Variants in KIF21A observed in about 807,000 individuals in gnomAD.
KIF21A encodes kinesin-like protein KIF21A.
In KIF21A, 114 loss-of-function variants were observed where a neutral mutation model predicts 202.9. The observed-to-expected ratio is 0.56, with a 90% CI of 0.48 to 0.66. The LOEUF (loss-of-function observed/expected upper bound fraction) is 0.66. KIF21A is among the 30% of genes least tolerant of loss of function. KIF21A has a pLI of 0.00. For synonymous variants in KIF21A, 667 were observed against 670.8 expected, an observed-to-expected ratio of 0.99 and a Z score of 0.09; for missense variants, 1,677 against 1,994.9, an observed-to-expected ratio of 0.84 and a Z score of 3.04.
At chr12:39,362,875 T>A (rs1411018830) in intron 7 of KIF21A, among the ~76,000 whole-genome samples, 1 of 152,146 alleles carries the variant, frequency 6.6e-6, no homozygotes, top group African/African-American at 2.4e-5. Context: ...ATTTCCCTTA[T>A]CTAGAAAATA....
intron 31 of KIF21A, among the ~76,000 whole-genome samples, chr12:39,313,266 C>T (rs542846103): frequency 6.6e-6 from 1 of 151,840 alleles, no homozygotes; most frequent in South Asian, 2.1e-4. Flanking sequence ...GCAGGAAAAA[C>T]GTGGAATTCA....
Position 39,349,739 on chromosome 12 carries a change from AT to A in KIF21A, c.1673+2037del, listed in dbSNP as rs1227611984. Among the ~76,000 whole-genome samples the A allele has an allele frequency of 6.6e-5, 10 of 152,180 alleles. No homozygotes were observed. In the East Asian group the frequency reaches 1.7e-3, roughly 26 times the overall value. On this transcript the variant is annotated intron_variant, in intron 11 of 37. Transcript: ENST00000361418. ...ACTAAGTAAAACAGGATTGGTTTTC[AT>A]TTTTTAATTCAAAAAAACATTTGAT... is the stretch of plus-strand genomic sequence containing the variant.
intron 1 of KIF21A, among the ~76,000 whole-genome samples, chr12:39,390,707 A>T (rs149700011): frequency 1.3e-4 from 20 of 152,308 alleles, no homozygotes; most frequent in African/African-American, 4.6e-4. Context: ...AAATATATAT[A>T]TATTTGTCAG....
At position 39,320,251 on chromosome 12, in the gene KIF21A, A is replaced by G. The variant is rs565585182; in HGVS notation, c.3672-238T>C. 8.5e-5 allele frequency among the ~76,000 whole-genome samples: 13 copies of G among 152,314 alleles called. No homozygotes were observed. The South Asian group carries it at 1.9e-3, about 22-fold the overall frequency. ...CTTATTAAATATGTAACAACTTACT[A>G]TCTTTGAATATAAATATCAGTGATA... On this transcript the variant is annotated intron_variant, in intron 27 of 37. Coordinates refer to ENST00000361418, the MANE Select transcript of KIF21A (RefSeq NM_001173464.2).
chr12:39,357,144 G>C, intron 9 of KIF21A, 104 bp downstream of exon 9: 1 of 991,414 alleles, frequency 1.0e-6, no homozygotes, highest in South Asian at 1.3e-5. Flanking sequence ...TATACACAGA[G>C]ACTGGCATTT....
intron 1 of KIF21A, among the ~76,000 whole-genome samples, chr12:39,416,685 G>A (rs1953675423): frequency 1.7e-5 from 2 of 120,710 alleles, no homozygotes; most frequent in Non-Finnish European, 1.6e-5. Context: ...ATATATATGT[G>A]TGTATATATA....
chr12:39,434,262 CA>C (rs1438485295), intron 1 of KIF21A, among the ~76,000 whole-genome samples: 2 of 152,306 alleles, frequency 1.3e-5, no homozygotes, highest in African/African-American at 4.8e-5. Flanking sequence ...TCTTTTATAA[CA>C]AAGCCACTCT....
At chr12:39,301,082 T>A (rs562494700) in intron 37 of KIF21A, among the ~76,000 whole-genome samples, 1 of 152,330 alleles carries the variant, frequency 6.6e-6, no homozygotes, top group South Asian at 2.1e-4. Context: ...TATTACTATG[T>A]ACTTATACTT....
intron 37 of KIF21A, among the ~76,000 whole-genome samples, 153 bp from the exon 38 acceptor site, chr12:39,294,670 A>C (rs1942124737): frequency 6.6e-6 from 1 of 152,242 alleles, no homozygotes; most frequent in Admixed American, 6.5e-5. Flanking sequence ...TAGCAAACAC[A>C]TACCTTAATA....
intron 1 of KIF21A, among the ~76,000 whole-genome samples, chr12:39,382,820 C>CTTACCTGTCAATGAAA (rs1207542020): frequency 1.3e-5 from 2 of 152,206 alleles, no homozygotes; most frequent in African/African-American, 4.8e-5. Context: ...GTGGAGTGAA[C>CTTACCTGTCAATGAAA]TTACCTGTCA....
At position 39,443,048 on chromosome 12, in the gene KIF21A, G is replaced by A; in HGVS notation, c.-78C>T. ...GCGCCACTGGGGCCGCGGGACTCGG[G>A]CGCAGTAGGCTGGGGCGTCTGCGGG... On this transcript the variant is annotated 5_prime_UTR_variant, in exon 1 of 38. Transcript: ENST00000361418. 2 of 1,442,636 alleles carry A rather than the reference G, an allele frequency of 1.4e-6. No homozygotes were observed. Among genetic ancestry groups the A allele is most frequent in the Admixed American group, 2.3e-5 (1 of 43,826 alleles). 89.4% of individuals were successfully genotyped at this position (1,442,636 alleles called of 1,614,324 possible).
Position 39,341,565 on chromosome 12 carries a change from C to T in KIF21A, c.1861G>A (p.Glu621Lys). 1 of 1,549,830 alleles carries T rather than the reference C, an allele frequency of 6.5e-7. No individual in the cohort carries two copies. Among genetic ancestry groups the T allele is most frequent in the Non-Finnish European group, 8.9e-7 (1 of 1,126,768 alleles). The change falls in exon 14 of 38, where the codon GAA (glutamate) becomes AAA (lysine). Residue 621 changes from glutamate to lysine, a missense_variant. Physicochemically the swap from Glu to Lys is moderately conservative, Grantham distance 56. Coordinates refer to ENST00000361418, the MANE Select transcript of KIF21A (RefSeq NM_001173464.2). ...EDEEEEEEEE[E>K]DDIDGGESSD... ...CTTTCACCCCCATCAATGTCATCTT[C>T]CTCCTCCTCCTCCTCCTCTTCTTCA...
intron 34 of KIF21A, among the ~76,000 whole-genome samples, chr12:39,305,294 G>T (rs920970799): frequency 2.6e-5 from 4 of 151,306 alleles, no homozygotes; most frequent in Non-Finnish European, 5.9e-5. Context: ...TGAATCTGGG[G>T]GTGGGAGGCT....
At chr12:39,355,707 T>TTTTA (rs1351512351) in intron 10 of KIF21A, among the ~76,000 whole-genome samples, 31 of 101,240 alleles carry the variant, frequency 3.1e-4, no homozygotes, top group African/African-American at 1.4e-3. Flanking sequence ...GCATGAACAA[T>TTTTA]TATATATATA....
At chr12:39,427,497 A>G (rs1407872870) in intron 1 of KIF21A, among the ~76,000 whole-genome samples, 3 of 152,256 alleles carry the variant, frequency 2.0e-5, no homozygotes, top group Non-Finnish European at 4.4e-5. Flanking sequence ...TCAGTGAAAC[A>G]GAAGGGATTT....
chr12:39,417,065 G>C (rs757348294), intron 1 of KIF21A, among the ~76,000 whole-genome samples: 3 of 151,748 alleles, frequency 2.0e-5, no homozygotes, highest in African/African-American at 4.8e-5. Flanking sequence ...CTAGCATGAA[G>C]GCCATGTGTG....
At chr12:39,354,707 T>G (rs534263924) in intron 10 of KIF21A, among the ~76,000 whole-genome samples, 1 of 152,308 alleles carries the variant, frequency 6.6e-6, no homozygotes, top group South Asian at 2.1e-4. Flanking sequence ...TAAGATCTAA[T>G]TTTGACAGAA....
intron 11 of KIF21A, among the ~76,000 whole-genome samples, chr12:39,347,751 C>T (rs1948023965): frequency 6.6e-6 from 1 of 151,940 alleles, no homozygotes. Flanking sequence ...AAAGCCACTG[C>T]CTAAGAAATC....
At chr12:39,425,341 T>A (rs1954659322) in intron 1 of KIF21A, among the ~76,000 whole-genome samples, 1 of 152,170 alleles carries the variant, frequency 6.6e-6, no homozygotes, top group Admixed American at 6.6e-5. Context: ...AGAACTCCCT[T>A]CCAGGCACAC....
Sources: gnomAD v4.1 joint callset for allele counts (sites outside exome capture counted in the v4.1 genomes callset) on GRCh38, gnomAD v4.1.1 for gene constraint, MANE v1.5 for transcripts, NCBI Gene and HGNC (gene_info 2026-07-23, HGNC 2026-07-21) for gene names.